SLC25A26: variants seen among roughly 807,000 people sequenced by gnomAD.
SLC25A26 encodes the protein solute carrier family 25 member 26.
Under a neutral mutation model 37.8 loss-of-function variants are expected in SLC25A26, and 36 were observed. The ratio of observed to expected loss-of-function variants is 0.95; its 90% CI spans 0.73 to 1.26. The LOEUF is 1.26. Ranked by LOEUF, SLC25A26 falls within the 50% of genes most tolerant of loss-of-function variation. The probability of loss-of-function intolerance (pLI) is 0.00; values close to 1 mark genes in which losing one functional copy is unlikely to be tolerated. For synonymous variants in SLC25A26, 129 were observed against 122.5 expected (o/e 1.05, Z -0.35); for missense variants, 390 against 331.1 (o/e 1.18, Z -1.38).
At chr3:66,230,805 C>CAA (rs74185176) in intron 1 of SLC25A26, among the ~76,000 whole-genome samples, 2,224 of 52,800 alleles carry the variant, frequency 0.042, 139 homozygotes, top group Middle Eastern at 0.057. Flanking sequence ...AACTCTGTCT[C>CAA]AAAAAAAAAA....
intron 2 of SLC25A26, among the ~76,000 whole-genome samples, chr3:66,240,830 C>T (rs2072544726): frequency 6.7e-6 from 1 of 149,758 alleles, no homozygotes. Flanking sequence ...ACTGCAAGCT[C>T]CGCCTCCTGG....
intron 5 of SLC25A26, among the ~76,000 whole-genome samples, chr3:66,285,214 G>A (rs1426943558): frequency 2.0e-5 from 3 of 151,650 alleles, no homozygotes; most frequent in South Asian, 2.1e-4. Flanking sequence ...GTGTAATGAG[G>A]TATATAAAAA....
At position 66,369,538 on chromosome 3, in the gene SLC25A26, CA is replaced by C; in HGVS notation, c.632del (p.Lys211ArgfsTer98). The C allele has an allele frequency of 6.3e-7, 1 of 1,595,034 alleles. No homozygotes were observed. The highest frequency in any genetic ancestry group is 8.5e-7 in the Non-Finnish European group (1 of 1,170,122). ...LDVAKTRITL[A>X]KAGSSTADGN... ...GTGGCAAAGACAAGAATTACGCTGG[CA>C]AAGGTAAGTGGTGAAATAATGTAAT... On this transcript the variant is annotated frameshift_variant, in exon 8 of 10. Transcript: ENST00000354883. LOFTEE classifies it high-confidence loss of function.
chr3:66,233,378 G>C (rs1252018519), intron 1 of SLC25A26, among the ~76,000 whole-genome samples: 1 of 152,096 alleles, frequency 6.6e-6, no homozygotes, highest in Admixed American at 6.6e-5. Flanking sequence ...CTGGTTATCT[G>C]GGTTATGTCC....
chr3:66,360,505 TA>T (rs1275195708), intron 6 of SLC25A26, among the ~76,000 whole-genome samples: 5 of 150,996 alleles, frequency 3.3e-5, no homozygotes, highest in Admixed American at 2.0e-4. Flanking sequence ...ATGAGCTTTA[TA>T]AAAAAAAAGC....
chr3:66,159,004 C>T (rs1441689691), intron 1 of SLC25A26, among the ~76,000 whole-genome samples: 1 of 152,108 alleles, frequency 6.6e-6, no homozygotes, highest in Non-Finnish European at 1.5e-5. Flanking sequence ...TCAGGGACAG[C>T]ATTGCCACAT....
At chr3:66,329,330 CT>C (rs1247426550) in intron 5 of SLC25A26, among the ~76,000 whole-genome samples, 1 of 152,038 alleles carries the variant, frequency 6.6e-6, no homozygotes, top group East Asian at 1.9e-4. Context: ...TCTTAAAATT[CT>C]GCATCCTTCT....
At chr3:66,257,563 A>C (rs1174793864) in intron 3 of SLC25A26, among the ~76,000 whole-genome samples, 1 of 152,148 alleles carries the variant, frequency 6.6e-6, no homozygotes, top group Admixed American at 6.5e-5. Context: ...GTAGTCATAG[A>C]CGGAGAGTCA....
chr3:66,351,632 C>T (rs1422662660), intron 6 of SLC25A26, among the ~76,000 whole-genome samples: 1 of 152,178 alleles, frequency 6.6e-6, no homozygotes, highest in Non-Finnish European at 1.5e-5. Context: ...CATCCTCACT[C>T]AGGATGTCTC....
In SLC25A26 at chr3:66,346,423, C is replaced by A; in HGVS notation, c.498+15C>A. The A allele has an allele frequency of 7.2e-7, 1 of 1,385,194 alleles. No individual in the cohort carries two copies. The highest frequency in any genetic ancestry group is 9.7e-7 in the Non-Finnish European group (1 of 1,027,148). 85.8% of individuals were successfully genotyped at this position (1,385,194 alleles called of 1,614,324 possible). On this transcript the variant is annotated intron_variant, in intron 6 of 9. Transcript: ENST00000354883. ...AGTCCTTAAAAGTAAGTTTCTCAGT[C>A]TTCACATAAAATTTGTCTCTAATTA... is the stretch of plus-strand genomic sequence containing the variant.
intron 1 of SLC25A26, among the ~76,000 whole-genome samples, chr3:66,205,628 A>C (rs1001656429): frequency 1.3e-5 from 2 of 152,202 alleles, no homozygotes; most frequent in African/African-American, 2.4e-5. Flanking sequence ...TCAATTTTCT[A>C]TCACTTTGTC....
intron 1 of SLC25A26, among the ~76,000 whole-genome samples, chr3:66,153,170 C>A (rs1320536105): frequency 6.6e-6 from 1 of 152,118 alleles, no homozygotes; most frequent in African/African-American, 2.4e-5. Flanking sequence ...CTACTGATAA[C>A]TTTTGGTGTT....
chr3:66,248,609 A>G (rs959060626), intron 3 of SLC25A26, among the ~76,000 whole-genome samples: 3 of 152,182 alleles, frequency 2.0e-5, no homozygotes, highest in African/African-American at 7.2e-5. Context: ...TTCACCCTTG[A>G]AAGCAGCAAC....
chr3:66,191,390 GAC>G (rs1346649701), intron 1 of SLC25A26, among the ~76,000 whole-genome samples: 1 of 151,950 alleles, frequency 6.6e-6, no homozygotes, highest in Non-Finnish European at 1.5e-5. Flanking sequence ...ATGAGTCCCT[GAC>G]ACACACAGAC....
chr3:66,355,798 T>A (rs375530529), intron 6 of SLC25A26, among the ~76,000 whole-genome samples: 1 of 152,228 alleles, frequency 6.6e-6, no homozygotes, highest in South Asian at 2.1e-4. Flanking sequence ...AATCATTGTC[T>A]CCTGTCTTTA....
rs921426273 is a variant in SLC25A26, at chr3:66,369,588, C to G, written c.633+46C>G. 8 of 1,452,542 alleles carry G rather than the reference C, an allele frequency of 5.5e-6. No homozygotes were observed. In the African/African-American group the frequency reaches 1.1e-4, roughly 20 times the overall value. The allele number at this position is 1,452,542 out of a possible 1,614,324, so 90.0% of individuals were successfully genotyped here. On this transcript the variant is annotated intron_variant, in intron 8 of 9. Coordinates refer to ENST00000354883, the MANE Select transcript of SLC25A26 (RefSeq NM_001379210.1). ...ATGGAGATACTTCAGATGCTCATATCTGTTAGCACTAGGACTACAGGTGTA... is the reference window on the plus strand; with the variant it reads ...ATGGAGATACTTCAGATGCTCATATGTGTTAGCACTAGGACTACAGGTGTA...
intron 6 of SLC25A26, among the ~76,000 whole-genome samples, chr3:66,361,545 C>G (rs888833487): frequency 2.0e-5 from 3 of 152,188 alleles, no homozygotes; most frequent in Non-Finnish European, 2.9e-5. Flanking sequence ...AAAATGCAGT[C>G]ATTGAGATAC....
At chr3:66,305,202 G>A (rs948590236) in intron 5 of SLC25A26, among the ~76,000 whole-genome samples, 1 of 152,180 alleles carries the variant, frequency 6.6e-6, no homozygotes, top group Non-Finnish European at 1.5e-5. Context: ...GTTGGGAGAA[G>A]CAGCGTCTAA....
intron 1 of SLC25A26, among the ~76,000 whole-genome samples, chr3:66,139,522 C>T (rs1352483613): frequency 6.6e-6 from 1 of 152,166 alleles, no homozygotes; most frequent in Non-Finnish European, 1.5e-5. Flanking sequence ...TGAAGCAGCA[C>T]ACATTTCTTT....
Sources: allele counts gnomAD v4.1 joint callset (sites outside exome capture counted in the v4.1 genomes callset), GRCh38; gene constraint gnomAD v4.1.1; transcripts MANE v1.5; gene names NCBI Gene and HGNC (gene_info 2026-07-23, HGNC 2026-07-21).